Variants in ASDURF observed in about 807,000 individuals in gnomAD.
ASDURF encodes ASDURF protein.
ASDURF carries 3 observed loss-of-function variants against 3.3 expected under a neutral mutation model. That is an observed-to-expected ratio of 0.92 (90% confidence interval 0.42 to 2.37). ASDURF has a LOEUF of 2.37. ASDURF is among the 30% of genes most tolerant of loss of function. The probability of loss-of-function intolerance (pLI) is 0.05; values close to 1 mark genes in which losing one functional copy is unlikely to be tolerated. For missense variants in ASDURF, 23 were observed against 25.4 expected (o/e 0.90, Z 0.21); for synonymous variants, 11 against 8.3 (o/e 1.32, Z -0.55).
Position 189,666,378 on chromosome 2 carries a change from A to G in ASDURF, c.*267A>G. The G allele has an allele frequency of 1.9e-6, 3 of 1,613,966 alleles. No homozygotes were observed. The highest frequency in any genetic ancestry group is 2.5e-6 in the Non-Finnish European group (3 of 1,179,926). On this transcript the variant is annotated 3_prime_UTR_variant, in exon 4 of 4. Transcript: ENST00000607829. ...TATGGAATGGAGAAATTTTTAGTGG[A>G]ATAAAGGTTGAAGCTGAAGAGAATG...
In ASDURF at chr2:189,663,576, C is replaced by A. The variant is rs1411147031; in HGVS notation, c.91-325C>A. Among the ~76,000 whole-genome samples, 2 of 152,190 alleles carry A rather than the reference C, an allele frequency of 1.3e-5. 1 individual carries two copies. Among genetic ancestry groups the A allele is most frequent in the Admixed American group, 1.3e-4 (2 of 15,268 alleles). ...CCTGGTGTATATCATATATTTTTAA[C>A]AAAAGGTATAAACCTTGTTTAGTAA... On this transcript the variant is annotated intron_variant, in intron 1 of 3. Coordinates refer to ENST00000607829, the MANE Select transcript of ASDURF (RefSeq NM_001353493.2).
chr2:189,665,646 ATT>A (rs2032785096), intron 3 of ASDURF, among the ~76,000 whole-genome samples, 195 bp downstream of exon 3: 1 of 133,566 alleles, frequency 7.5e-6, no homozygotes. Context: ...ATATATATAT[ATT>A]ATAAATGTTT....
Position 189,666,363 on chromosome 2 carries a change from A to G in ASDURF, c.*252A>G, listed in dbSNP as rs754743584. On this transcript the variant is annotated 3_prime_UTR_variant, in exon 4 of 4. Coordinates refer to ENST00000607829, the MANE Select transcript of ASDURF (RefSeq NM_001353493.2). ...GAGGCAATGTGTTTCTATGGAATGG[A>G]GAAATTTTTAGTGGAATAAAGGTTG... is the stretch of plus-strand genomic sequence containing the variant. 2.5e-6 allele frequency: 4 copies of G among 1,613,834 alleles called. No individual in the cohort carries two copies. The highest frequency in any genetic ancestry group is 3.4e-6 in the Non-Finnish European group (4 of 1,179,802).
intron 1 of ASDURF, among the ~76,000 whole-genome samples, chr2:189,663,214 CT>C (rs1165350841): frequency 6.6e-6 from 1 of 151,018 alleles, no homozygotes; most frequent in African/African-American, 2.4e-5. Context: ...AACTTAATTC[CT>C]TTTGGTGTAT....
At chr2:189,665,149 C>T (rs1341075828) in intron 2 of ASDURF, among the ~76,000 whole-genome samples, 1 of 152,056 alleles carries the variant, frequency 6.6e-6, no homozygotes, top group Admixed American at 6.6e-5. Context: ...TCTGCAGGTA[C>T]AGTAAGAACC....
In ASDURF at chr2:189,661,603, G is replaced by A. The variant is rs904108766; in HGVS notation, c.83G>A (p.Ser28Asn). 6 of 399,272 alleles carry A rather than the reference G, an allele frequency of 1.5e-5. No individual in the cohort carries two copies. The highest frequency in any genetic ancestry group is 2.2e-5 in the Non-Finnish European group (5 of 226,326). 24.7% of individuals were successfully genotyped at this position (399,272 alleles called of 1,614,324 possible). The change falls in exon 1 of 4, where the codon AGC (serine) becomes AAC (asparagine). Residue 28 changes from serine (S) to asparagine (N), a missense_variant. Transcript: ENST00000607829. ...TCGACCCCACACAAGGAGGATCTAA[G>A]CAGCAAGGTGAGTGTGAGACGCGAC... ...DNSTPHKEDL[S>N]SKIKEQKIVV...
chr2:189,661,538 G>A lies in ASDURF; in HGVS notation c.18G>A (p.Thr6=). The part of the protein sequence containing the change: MPSRG[T]RPEDSSVLIP... ...CGGTGGAAATGCCCAGCCGAGGGACGCGACCAGAGGACAGCTCTGTGCTGA... is the reference window on the plus strand; with the variant it reads ...CGGTGGAAATGCCCAGCCGAGGGACACGACCAGAGGACAGCTCTGTGCTGA... The change falls in exon 1 of 4, where the codon ACG becomes ACA. Residue 6 remains threonine (T), a synonymous_variant. Coordinates refer to ENST00000607829, the MANE Select transcript of ASDURF (RefSeq NM_001353493.2). 1 of 399,264 alleles carries A rather than the reference G, an allele frequency of 2.5e-6. No homozygotes were observed. The highest frequency in any genetic ancestry group is 3.6e-5 in the East Asian group (1 of 28,068). 24.7% of individuals were successfully genotyped at this position (399,264 alleles called of 1,614,324 possible). A position where few individuals can be genotyped will look rare whatever the true frequency, so the allele number is the denominator to read the frequency against.
At chr2:189,661,938 C>T (rs1365256171) in intron 1 of ASDURF, among the ~76,000 whole-genome samples, 1 of 152,188 alleles carries the variant, frequency 6.6e-6, no homozygotes, top group Non-Finnish European at 1.5e-5. Flanking sequence ...AGATATTCTC[C>T]ATCCAGTTAA....
chr2:189,666,044 T>C lies in ASDURF; in HGVS notation c.224T>C (p.Ile75Thr), dbSNP rs747515850. 1 of 1,360,726 alleles carries C rather than the reference T, an allele frequency of 7.3e-7. No homozygotes were observed. Among genetic ancestry groups the C allele is most frequent in the Admixed American group, 2.5e-5 (1 of 39,550 alleles). The allele number at this position is 1,360,726 out of a possible 1,614,324, so 84.3% of individuals were successfully genotyped here. A position where few individuals can be genotyped will look rare whatever the true frequency, so the allele number is the denominator to read the frequency against. ...TTATTCTCCTTCCCTGCAACAGATA[T>C]ATTGGATGAACTGAAAAAAGAATAC... is the stretch of plus-strand genomic sequence containing the variant. ...RTEMLSESKN[I>T]LDELKKEYQE... Residue 75 changes from isoleucine to threonine, a missense_variant, in exon 4 of 4, where the codon ATA becomes ACA. Physicochemically the swap from Ile to Thr is moderately conservative, Grantham distance 89 (BLOSUM62 -1). Coordinates refer to ENST00000607829, the MANE Select transcript of ASDURF (RefSeq NM_001353493.2).
intron 1 of ASDURF, among the ~76,000 whole-genome samples, 183 bp downstream of exon 1, chr2:189,661,793 G>A (rs1024770344): frequency 6.6e-6 from 1 of 152,200 alleles, no homozygotes; most frequent in African/African-American, 2.4e-5. Context: ...GAAAACAGTT[G>A]CGAAAAGGGA....
intron 1 of ASDURF, among the ~76,000 whole-genome samples, chr2:189,662,613 G>A (rs527964857): frequency 1.8e-4 from 27 of 152,268 alleles, no homozygotes; most frequent in African/African-American, 6.3e-4. Context: ...TACCACCATA[G>A]CAAGCCACTT....
Sources: gnomAD v4.1 joint callset for allele counts (sites outside exome capture counted in the v4.1 genomes callset) on GRCh38, gnomAD v4.1.1 for gene constraint, MANE v1.5 for transcripts, NCBI Gene and HGNC (gene_info 2026-07-23, HGNC 2026-07-21) for gene names.